RNF170: variants seen among roughly 807,000 people sequenced by gnomAD.
RNF170 encodes the protein E3 ubiquitin-protein ligase RNF170.
In RNF170, 12 loss-of-function variants were observed where a neutral mutation model predicts 32.7. The observed-to-expected ratio is 0.37, with a 90% CI of 0.24 to 0.60. The LOEUF (loss-of-function observed/expected upper bound fraction) is 0.60. Among genes scored for constraint, RNF170 ranks in the 20% least tolerant of loss-of-function variants. RNF170 has a pLI of 0.72. For missense variants in RNF170, 212 were observed against 311.2 expected, an observed-to-expected ratio of 0.68 and a Z score of 2.40; for synonymous variants, 91 against 103.6, an observed-to-expected ratio of 0.88 and a Z score of 0.74.
upstream of RNF170, chr8:42,896,948 G>A (rs1328842841): frequency 4.9e-6 from 2 of 404,400 alleles, no homozygotes; most frequent in African/African-American, 2.1e-5. Flanking sequence ...CGAGTGAAAG[G>A]AGAAGGAGGG....
intron 3 of RNF170, among the ~76,000 whole-genome samples, chr8:42,871,387 C>T (rs1399142335): frequency 6.6e-6 from 1 of 151,844 alleles, no homozygotes; most frequent in Non-Finnish European, 1.5e-5. Context: ...CAGATTTTTG[C>T]CACTCAATAT....
rs1478087232 is a variant in RNF170 at position 42,856,207 on chromosome 8, G to A, written c.729C>T (p.Tyr243=). The part of the protein sequence containing the change: ...DFFVIFLLLI[Y]ISIMYREVIT... ...TCACTTCTCGATACATAATAGAGAT[G>A]TAGATAAGCAATAAAAAGATGACAA... Residue 243 remains tyrosine (Y), a synonymous_variant, in exon 7 of 7, where the codon TAC becomes TAT. Transcript: ENST00000527424. The A allele has an allele frequency of 1.9e-6, 3 of 1,611,180 alleles. No individual in the cohort carries two copies. The South Asian group carries it at 3.3e-5, about 18-fold the overall frequency.
chr8:42,853,141 CACAA>C (rs1020439846), downstream of RNF170, among the ~76,000 whole-genome samples: 20 of 151,904 alleles, frequency 1.3e-4, no homozygotes, highest in African/African-American at 4.4e-4. Flanking sequence ...AAAACAAACA[CACAA>C]ACAAAATAAA....
At chr8:42,886,261 G>A (rs1805819663) in intron 2 of RNF170, among the ~76,000 whole-genome samples, 2 of 151,552 alleles carry the variant, frequency 1.3e-5, no homozygotes, top group African/African-American at 2.4e-5. Context: ...AAAGGCCCAA[G>A]GACAGAGCCC....
At chr8:42,850,833 G>GA, downstream of RNF170, 1 of 1,551,606 alleles carries the variant, frequency 6.4e-7, no homozygotes, top group Non-Finnish European at 8.7e-7. Flanking sequence ...CTAGTAACGT[G>GA]AAGCATAAAC....
intron 2 of RNF170, among the ~76,000 whole-genome samples, chr8:42,885,363 T>C (rs1394019968): frequency 2.0e-5 from 3 of 152,226 alleles, no homozygotes; most frequent in Non-Finnish European, 2.9e-5. Context: ...GCAATGAACA[T>C]AGGAACACAG....
In RNF170 at chr8:42,896,605, C is replaced by A. The variant is rs781557102; in HGVS notation, c.-129G>T. 2.2e-5 allele frequency: 10 copies of A among 453,502 alleles called. No homozygotes were observed. The East Asian group carries it at 7.0e-4, about 32-fold the overall frequency. 28.1% of individuals were successfully genotyped at this position (453,502 alleles called of 1,614,324 possible). A position where few individuals can be genotyped will look rare whatever the true frequency, so the allele number is the denominator to read the frequency against. On this transcript the variant is annotated 5_prime_UTR_variant, in exon 1 of 7. Coordinates refer to ENST00000527424, the MANE Select transcript of RNF170 (RefSeq NM_030954.4). ...GACGTCCCCTTTCTAATTTGGAGTG[C>A]GGGTGCGGGCGCACGCGCACTGCCG...
chr8:42,894,335 A>G (rs1300859196), intron 1 of RNF170, among the ~76,000 whole-genome samples: 1 of 152,228 alleles, frequency 6.6e-6, no homozygotes, highest in Admixed American at 6.5e-5. Flanking sequence ...CAGTCGCTCC[A>G]GTAGGGCCAG....
At chr8:42,873,426 A>G (rs1246193114) in intron 3 of RNF170, among the ~76,000 whole-genome samples, 3 of 152,182 alleles carry the variant, frequency 2.0e-5, no homozygotes, top group African/African-American at 7.2e-5. Flanking sequence ...TTCATAAAGT[A>G]TATCTCCAAT....
chr8:42,869,510 A>C (rs1354628432), intron 4 of RNF170, among the ~76,000 whole-genome samples: 1 of 152,248 alleles, frequency 6.6e-6, no homozygotes, highest in Non-Finnish European at 1.5e-5. Context: ...ACAGAGACAG[A>C]GACAAACAGA....
chr8:42,888,736 G>A (rs956372116), intron 1 of RNF170, among the ~76,000 whole-genome samples: 3 of 151,950 alleles, frequency 2.0e-5, no homozygotes, highest in Non-Finnish European at 4.4e-5. Flanking sequence ...TCCAGCCTGG[G>A]AGACAGAGCA....
At chr8:42,860,110 A>G (rs1212123373) in intron 6 of RNF170, among the ~76,000 whole-genome samples, 1 of 152,220 alleles carries the variant, frequency 6.6e-6, no homozygotes, top group East Asian at 1.9e-4. Context: ...TCAATACTCC[A>G]CGTGTTAAGT....
chr8:42,867,977 G>A (rs568222146), intron 4 of RNF170, among the ~76,000 whole-genome samples: 4 of 152,218 alleles, frequency 2.6e-5, no homozygotes, highest in South Asian at 4.1e-4. Context: ...GGAGTGTCAC[G>A]TGGATTAGGT....
chr8:42,851,607 G>A (rs1802945779), downstream of RNF170, among the ~76,000 whole-genome samples: 1 of 151,812 alleles, frequency 6.6e-6, no homozygotes, highest in Non-Finnish European at 1.5e-5. Context: ...ACAAGAGAAG[G>A]ATTCAGATAT....
At position 42,870,008 on chromosome 8, in the gene RNF170, A is replaced by T; in HGVS notation, c.318T>A (p.Phe106Leu). 6.2e-7 allele frequency: 1 copy of T among 1,612,080 alleles called. No individual in the cohort carries two copies. Among genetic ancestry groups the T allele is most frequent in the Non-Finnish European group, 8.5e-7 (1 of 1,178,138 alleles). The change falls in exon 4 of 7, where the codon TTT becomes TTA. Residue 106 changes from phenylalanine (F) to leucine (L), a missense_variant. Phe to Leu is a conservative substitution (Grantham distance 22, BLOSUM62 0). Coordinates refer to ENST00000527424, the MANE Select transcript of RNF170 (RefSeq NM_030954.4). ...FPVETNCGHLFCGACIIAYWR... is the reference protein window; with the variant it reads ...FPVETNCGHLLCGACIIAYWR... ...AGTATAGCGTTGTTTGCTTACCACA[A>T]AAAAGATGTCCACAGTTGGTCTCCA...
In RNF170 at chr8:42,861,608, G is replaced by T. The variant is rs750552484; in HGVS notation, c.507+137C>A. 5.4e-6 allele frequency: 4 copies of T among 738,118 alleles called. No homozygotes were observed. In the South Asian group the frequency reaches 6.0e-5, roughly 11 times the overall value. The allele number at this position is 738,118 out of a possible 1,614,324, so 45.7% of individuals were successfully genotyped here. A position where few individuals can be genotyped will look rare whatever the true frequency, so the allele number is the denominator to read the frequency against. On this transcript the variant is annotated intron_variant, in intron 6 of 6. Transcript: ENST00000527424. ...TCCACCTGCCTTGGCCTCCCAAAGT[G>T]CTAGGATTATAGGCGTTAGCTACTG...
chr8:42,856,670 G>T (rs909338755), intron 6 of RNF170, among the ~76,000 whole-genome samples: 1 of 152,136 alleles, frequency 6.6e-6, no homozygotes, highest in South Asian at 2.1e-4. Flanking sequence ...TTAAAATACG[G>T]GATATAGTAA....
chr8:42,865,399 T>C lies in RNF170; in HGVS notation c.396+17A>G, dbSNP rs1178188435. ...ATAAACTAGCATAAATGATACTTTC[T>C]GCACACAAAACATTACCGTTTGTCT... On this transcript the variant is annotated intron_variant, in intron 5 of 6. Transcript: ENST00000527424. 6.3e-7 allele frequency: 1 copy of C among 1,592,832 alleles called. No individual in the cohort carries two copies. Among genetic ancestry groups the C allele is most frequent in the Non-Finnish European group, 8.6e-7 (1 of 1,160,820 alleles).
At chr8:42,853,002 T>C (rs1802982709), downstream of RNF170, among the ~76,000 whole-genome samples, 1 of 150,794 alleles carries the variant, frequency 6.6e-6, no homozygotes, top group African/African-American at 2.4e-5. Context: ...GGCACACATC[T>C]ATAGTCCCAG....
Sources: gnomAD v4.1 joint callset for allele counts (sites outside exome capture counted in the v4.1 genomes callset) on GRCh38, gnomAD v4.1.1 for gene constraint, MANE v1.5 for transcripts, NCBI Gene and HGNC (gene_info 2026-07-23, HGNC 2026-07-21) for gene names.